Variants in SLC7A1 observed in about 807,000 individuals in gnomAD.
SLC7A1 encodes the protein high affinity cationic amino acid transporter 1.
SLC7A1 carries 10 observed loss-of-function variants against 53.9 expected under a neutral mutation model. The observed-to-expected ratio is 0.19, with a 90% CI of 0.11 to 0.31. The LOEUF (loss-of-function observed/expected upper bound fraction) is 0.31. SLC7A1 is among the 10% of genes least tolerant of loss of function. The pLI, the probability that SLC7A1 is intolerant of heterozygous loss-of-function variation, is 1.00. For synonymous variants in SLC7A1, 342 were observed against 338.7 expected, an observed-to-expected ratio of 1.01 and a Z score of -0.11; for missense variants, 525 against 827.2, an observed-to-expected ratio of 0.63 and a Z score of 4.48.
chr13:29,541,313 G>A (rs911135223), intron 2 of SLC7A1, among the ~76,000 whole-genome samples: 39 of 152,218 alleles, frequency 2.6e-4, no homozygotes, highest in African/African-American at 8.9e-4. Context: ...AACTGAACAC[G>A]GTCTTGAGAA....
intron 2 of SLC7A1, among the ~76,000 whole-genome samples, chr13:29,543,868 G>C (rs1294738180): frequency 6.6e-6 from 1 of 152,066 alleles, no homozygotes; most frequent in Admixed American, 6.5e-5. Flanking sequence ...GACATGCGGG[G>C]AGGAGAGGAC....
Position 29,510,931 on chromosome 13 carries a change from T to C in SLC7A1, c.*3549A>G, listed in dbSNP as rs1216163849. ...GTCTGGGTGGGGCCCCTATGGGGCATGTCCACGTGCCCCCCACCAGACTCA... is the reference window on the plus strand; with the variant it reads ...GTCTGGGTGGGGCCCCTATGGGGCACGTCCACGTGCCCCCCACCAGACTCA... On this transcript the variant is annotated 3_prime_UTR_variant, in exon 13 of 13. Transcript: ENST00000380752. 1.3e-5 allele frequency: 2 copies of C among 152,378 alleles called. No homozygotes were observed. The highest frequency in any genetic ancestry group is 1.9e-4 in the East Asian group (1 of 5,188). 9.4% of individuals were successfully genotyped at this position (152,378 alleles called of 1,614,324 possible).
Position 29,519,547 on chromosome 13 carries a change from C to G in SLC7A1, c.1192G>C (p.Val398Leu). The part of the protein sequence containing the change: ...ATLASGAVAA[V>L]MAFLFDLKDL... ...TTCAGGTCAAAGAGGAAGGCCATCA[C>G]AGCTGGGAAGAGACAGACACCAGGA... Residue 398 changes from valine (V) to leucine (L), a missense_variant and splice_region_variant, in exon 9 of 13, where the codon GTG becomes CTG. By Grantham distance (32) the Val-to-Leu change is conservative. This residue lies in a region of SLC7A1 where 354 missense variants were observed against 587.5 expected (regional missense o/e 0.60). Coordinates refer to ENST00000380752, the MANE Select transcript of SLC7A1 (RefSeq NM_003045.5). 1 of 1,602,764 alleles carries G rather than the reference C, an allele frequency of 6.2e-7. No homozygotes were observed. Among genetic ancestry groups the G allele is most frequent in the Non-Finnish European group, 8.5e-7 (1 of 1,170,294 alleles).
intron 2 of SLC7A1, among the ~76,000 whole-genome samples, chr13:29,553,077 AG>A (rs1274146541): frequency 6.6e-6 from 1 of 152,222 alleles, no homozygotes; most frequent in African/African-American, 2.4e-5. Context: ...TCAAGCTGCA[AG>A]GAACAGCCTG....
At chr13:29,546,523 C>T (rs1213813592) in intron 2 of SLC7A1, among the ~76,000 whole-genome samples, 5 of 152,136 alleles carry the variant, frequency 3.3e-5, no homozygotes, top group Non-Finnish European at 5.9e-5. Flanking sequence ...GGGTTCCATG[C>T]CAACCTAACT....
chr13:29,569,488 G>T (rs550500019), intron 1 of SLC7A1, among the ~76,000 whole-genome samples: 1 of 152,308 alleles, frequency 6.6e-6, no homozygotes, highest in South Asian at 2.1e-4. Context: ...GTGAGCTCTG[G>T]ATGTCTGCAG....
intron 5 of SLC7A1, 50 bp from the exon 6 acceptor site, chr13:29,524,303 G>T (rs1868782574): frequency 6.2e-7 from 1 of 1,610,710 alleles, no homozygotes; most frequent in South Asian, 1.1e-5. Context: ...TGCGCAGTCT[G>T]GCGTAAGGAG....
chr13:29,543,150 C>T (rs967886201), intron 2 of SLC7A1, among the ~76,000 whole-genome samples: 8 of 152,134 alleles, frequency 5.3e-5, no homozygotes, highest in African/African-American at 1.9e-4. Context: ...TATGAACATA[C>T]ACTCCTGGAG....
chr13:29,572,140 G>A (rs1871222069), intron 1 of SLC7A1, among the ~76,000 whole-genome samples: 1 of 152,236 alleles, frequency 6.6e-6, no homozygotes, highest in African/African-American at 2.4e-5. Context: ...AAACGCAGGT[G>A]GTGAGGGTGC....
At chr13:29,528,927 A>T (rs1270010627) in intron 5 of SLC7A1, among the ~76,000 whole-genome samples, 2 of 152,232 alleles carry the variant, frequency 1.3e-5, no homozygotes, top group African/African-American at 4.8e-5. Context: ...ATCTCTTCAT[A>T]AAAATAATAA....
intron 2 of SLC7A1, among the ~76,000 whole-genome samples, chr13:29,546,284 G>A (rs544631354): frequency 5.9e-5 from 9 of 152,324 alleles, no homozygotes; most frequent in African/African-American, 1.7e-4. Flanking sequence ...AATGGCTATG[G>A]AACTGGCTCT....
chr13:29,517,072 G>T, intron 11 of SLC7A1, 72 bp downstream of exon 11: 1 of 1,435,510 alleles, frequency 7.0e-7, no homozygotes, highest in Non-Finnish European at 9.3e-7. Flanking sequence ...CTGAGCCCAC[G>T]CAGGGCTGGC....
intron 1 of SLC7A1, among the ~76,000 whole-genome samples, chr13:29,555,375 A>AAAAAAAAAAAAAAAAAAAAAAAAT (rs1870392470): frequency 7.0e-6 from 1 of 142,228 alleles, no homozygotes; most frequent in African/African-American, 2.5e-5. Flanking sequence ...AAAAAAAAAA[A>AAAAAAAAAAAAAAAAAAAAAAAAT]AAAAAAGAAT....
At chr13:29,575,753 G>C (rs1188672524) in intron 1 of SLC7A1, among the ~76,000 whole-genome samples, 2 of 152,144 alleles carry the variant, frequency 1.3e-5, no homozygotes, top group Admixed American at 6.5e-5. Flanking sequence ...TTTCAATACA[G>C]TACAAACTTT....
At chr13:29,534,813 A>T (rs1279381135) in intron 3 of SLC7A1, among the ~76,000 whole-genome samples, 3 of 126,862 alleles carry the variant, frequency 2.4e-5, no homozygotes, top group Non-Finnish European at 3.6e-5. Context: ...AGAAAAAAAA[A>T]AATAAATGGC....
intron 2 of SLC7A1, among the ~76,000 whole-genome samples, chr13:29,537,647 A>C (rs1869485651): frequency 6.6e-6 from 1 of 152,236 alleles, no homozygotes; most frequent in African/African-American, 2.4e-5. Flanking sequence ...GGGCACATGC[A>C]AGCTCTGTAC....
chr13:29,520,828 T>C (rs553313473), intron 8 of SLC7A1, among the ~76,000 whole-genome samples: 1 of 152,368 alleles, frequency 6.6e-6, no homozygotes, highest in South Asian at 2.1e-4. Flanking sequence ...CAACTGTGCA[T>C]GCCACAAATG....
intron 5 of SLC7A1, among the ~76,000 whole-genome samples, chr13:29,528,409 C>G (rs1868998806): frequency 1.3e-5 from 2 of 152,218 alleles, no homozygotes; most frequent in African/African-American, 4.8e-5. Context: ...CACAGACCAA[C>G]AGACAGACCG....
intron 1 of SLC7A1, among the ~76,000 whole-genome samples, chr13:29,585,151 G>T (rs576203752): frequency 1.3e-5 from 2 of 152,284 alleles, no homozygotes; most frequent in South Asian, 4.1e-4. Flanking sequence ...ACTTTCTTGG[G>T]CATCATCACA....
Sources: gnomAD v4.1 joint callset for allele counts (sites outside exome capture counted in the v4.1 genomes callset) on GRCh38, gnomAD v4.1.1 for gene constraint, gnomAD v4.1.1 regional missense constraint, MANE v1.5 for transcripts, NCBI Gene and HGNC (gene_info 2026-07-23, HGNC 2026-07-21) for gene names.